The following MLLT3 variants were observed in gnomAD, a reference collection of about 807,000 sequenced individuals.
MLLT3 encodes MLLT3 super elongation complex subunit, also known as protein AF-9.
Under a neutral mutation model 53.2 loss-of-function variants are expected in MLLT3, and 4 were observed. The observed-to-expected ratio is 0.08, with a 90% confidence interval of 0.04 to 0.17. MLLT3 has a LOEUF of 0.17. Among genes scored for constraint, MLLT3 ranks in the 10% least tolerant of loss-of-function variants. The probability of loss-of-function intolerance (pLI) is 1.00; values close to 1 mark genes in which losing one functional copy is unlikely to be tolerated. For synonymous variants in MLLT3, 283 were observed against 230.6 expected (o/e 1.23, Z -2.06); for missense variants, 569 against 684.0 (o/e 0.83, Z 1.87).
At chr9:20,454,860 T>C (rs1349231837) in intron 3 of MLLT3, among the ~76,000 whole-genome samples, 4 of 151,946 alleles carry the variant, frequency 2.6e-5, no homozygotes, top group Non-Finnish European at 5.9e-5. Context: ...CAAAATGAGA[T>C]ATGAACAGTC....
intron 5 of MLLT3, among the ~76,000 whole-genome samples, chr9:20,370,659 C>A (rs773460734): frequency 3.3e-5 from 5 of 152,042 alleles, no homozygotes; most frequent in Non-Finnish European, 7.4e-5. Context: ...TACAGGTGTG[C>A]ACCAACACGC....
At chr9:20,389,339 A>C (rs982423322) in intron 5 of MLLT3, among the ~76,000 whole-genome samples, 11 of 152,330 alleles carry the variant, frequency 7.2e-5, no homozygotes, top group African/African-American at 2.4e-4. Flanking sequence ...AAAGTAGATT[A>C]CTGGTTGCCT....
intron 2 of MLLT3, among the ~76,000 whole-genome samples, chr9:20,615,765 AGT>A: frequency 6.6e-6 from 1 of 151,726 alleles, no homozygotes; most frequent in Admixed American, 6.6e-5. Context: ...TTCTCTCGTG[AGT>A]GTGTAGCAGA....
intron 3 of MLLT3, among the ~76,000 whole-genome samples, chr9:20,449,464 T>C (rs1263652410): frequency 6.6e-6 from 1 of 152,230 alleles, no homozygotes; most frequent in African/African-American, 2.4e-5. Context: ...CATTGATCTT[T>C]AGCCACGCAA....
intron 10 of MLLT3, among the ~76,000 whole-genome samples, chr9:20,347,233 G>C: frequency 6.6e-6 from 1 of 152,074 alleles, no homozygotes; most frequent in Admixed American, 6.5e-5. Flanking sequence ...TTGTCACTTG[G>C]TGAAAATGTA....
At chr9:20,530,434 C>T (rs1049402352) in intron 2 of MLLT3, among the ~76,000 whole-genome samples, 3 of 152,108 alleles carry the variant, frequency 2.0e-5, no homozygotes, top group African/African-American at 7.2e-5. Flanking sequence ...AACTTCAAAG[C>T]CAAGTCACCT....
At chr9:20,351,811 A>G (rs143850115) in intron 10 of MLLT3, among the ~76,000 whole-genome samples, 224 of 152,336 alleles carry the variant, frequency 1.5e-3, no homozygotes, top group African/African-American at 5.0e-3. Context: ...TTAGTCCTCA[A>G]TAGTGCTATG....
At chr9:20,419,385 C>G (rs1273295269) in intron 4 of MLLT3, among the ~76,000 whole-genome samples, 1 of 151,246 alleles carries the variant, frequency 6.6e-6, no homozygotes, top group Non-Finnish European at 1.5e-5. Context: ...ATCAAGGAAA[C>G]CTAACATACA....
At chr9:20,523,023 A>C (rs764358676) in intron 2 of MLLT3, among the ~76,000 whole-genome samples, 10 of 152,122 alleles carry the variant, frequency 6.6e-5, no homozygotes, top group Admixed American at 3.3e-4. Context: ...GAATTCTTAA[A>C]ACCCAAAAAC....
chr9:20,404,240 A>G (rs1160268172), intron 5 of MLLT3, among the ~76,000 whole-genome samples: 2 of 152,220 alleles, frequency 1.3e-5, no homozygotes, highest in African/African-American at 4.8e-5. Flanking sequence ...AAGAATAAAA[A>G]CACATTCTGT....
intron 2 of MLLT3, among the ~76,000 whole-genome samples, chr9:20,557,205 G>C (rs1009552130): frequency 6.6e-6 from 1 of 151,920 alleles, no homozygotes; most frequent in African/African-American, 2.4e-5. Context: ...CCTTAAGCAG[G>C]GGCTTTTGGT....
intron 2 of MLLT3, among the ~76,000 whole-genome samples, chr9:20,615,697 G>A (rs1587135389): frequency 1.3e-5 from 2 of 151,916 alleles, no homozygotes; most frequent in East Asian, 3.9e-4. Context: ...GGTGATTGGT[G>A]ACGTTAAATC....
At chr9:20,444,731 G>T (rs1823648594) in intron 4 of MLLT3, among the ~76,000 whole-genome samples, 1 of 151,994 alleles carries the variant, frequency 6.6e-6, no homozygotes, top group Non-Finnish European at 1.5e-5. Context: ...AATTAGTCAG[G>T]TGTGGTAGTC....
intron 2 of MLLT3, among the ~76,000 whole-genome samples, chr9:20,571,822 A>G (rs988342836): frequency 6.6e-6 from 1 of 152,254 alleles, no homozygotes; most frequent in Non-Finnish European, 1.5e-5. Context: ...AAACCACAAT[A>G]AGATATCATT....
At chr9:20,416,142 T>C (rs769858513) in intron 4 of MLLT3, among the ~76,000 whole-genome samples, 4 of 151,980 alleles carry the variant, frequency 2.6e-5, no homozygotes, top group African/African-American at 4.8e-5. Context: ...AGCAATACTA[T>C]GAATAATTAA....
At chr9:20,515,535 C>G (rs1817888876) in intron 2 of MLLT3, among the ~76,000 whole-genome samples, 1 of 152,174 alleles carries the variant, frequency 6.6e-6, no homozygotes, top group Admixed American at 6.5e-5. Context: ...CTCTAGGCAG[C>G]AGCCTTTTCT....
intron 2 of MLLT3, among the ~76,000 whole-genome samples, chr9:20,498,762 C>G (rs1324285361): frequency 6.6e-6 from 1 of 152,168 alleles, no homozygotes; most frequent in Non-Finnish European, 1.5e-5. Flanking sequence ...GATTCATGCC[C>G]TTGTCAGACA....
In MLLT3 at chr9:20,448,264, T is replaced by G; in HGVS notation, c.279A>C (p.Glu93Asp). The change falls in exon 4 of 11, where the codon GAA (glutamate) becomes GAC (aspartate). Residue 93 changes from glutamate to aspartate, a missense_variant and splice_region_variant. By Grantham distance (45) the Glu-to-Asp change is conservative. This residue lies in a region of MLLT3 where 35 missense variants were observed against 136.8 expected (regional missense o/e 0.26). Transcript: ENST00000380338. The surrounding 1 kb of genome is among the most constrained non-coding windows in gnomAD (Gnocchi z 4.0). ...AATCAAAGCGGACTTTCCTAGGTTC[T>G]TCCTGGAGGTTAACAAAAATTATGA... ...LPIEVYFKNKEEPRKVRFDYD... is the reference protein window; with the variant it reads ...LPIEVYFKNKDEPRKVRFDYD... 4.4e-6 allele frequency: 7 copies of G among 1,608,598 alleles called. No homozygotes were observed. Among genetic ancestry groups the G allele is most frequent in the Non-Finnish European group, 5.9e-6 (7 of 1,178,284 alleles).
chr9:20,404,904 T>C (rs1347007277), intron 5 of MLLT3, among the ~76,000 whole-genome samples: 3 of 152,184 alleles, frequency 2.0e-5, no homozygotes, highest in Non-Finnish European at 4.4e-5. Context: ...GGTATGGCTA[T>C]GTTCCTGAGG....
Sources: gnomAD v4.1 joint callset for allele counts (sites outside exome capture counted in the v4.1 genomes callset) on GRCh38, gnomAD v4.1.1 for gene constraint, gnomAD v4.1.1 regional missense constraint, Gnocchi (gnomAD v3.1) non-coding constraint, MANE v1.5 for transcripts, NCBI Gene and HGNC (gene_info 2026-07-23, HGNC 2026-07-21) for gene names.